IL2RA: variants seen among roughly 807,000 people sequenced by gnomAD.
The protein encoded by IL2RA is interleukin 2 receptor subunit alpha.
IL2RA carries 24 observed loss-of-function variants against 37.8 expected under a neutral mutation model. The ratio of observed to expected loss-of-function variants is 0.63; its 90% CI spans 0.46 to 0.89. The LOEUF (loss-of-function observed/expected upper bound fraction) is 0.89, where lower values mean the gene tolerates loss of function less well. IL2RA is among the 40% of genes least tolerant of loss of function. The pLI is 0.00. For missense variants in IL2RA, 319 were observed against 348.6 expected (o/e 0.92, Z 0.68); for synonymous variants, 125 against 114.6 (o/e 1.09, Z -0.58).
intron 1 of IL2RA, among the ~76,000 whole-genome samples, chr10:6,030,945 T>C (rs1264358286): frequency 2.0e-5 from 3 of 152,116 alleles, no homozygotes; most frequent in Non-Finnish European, 2.9e-5. Flanking sequence ...GGATTCATGC[T>C]GAATAGCCTA....
At chr10:6,017,237 G>C (rs1388075611) in intron 7 of IL2RA, 1 of 152,266 alleles carries the variant, frequency 6.6e-6, no homozygotes, top group Admixed American at 6.5e-5. Flanking sequence ...ACCACACATG[G>C]TTTACATTCC....
At chr10:6,034,023 T>C (rs970035667) in intron 1 of IL2RA, among the ~76,000 whole-genome samples, 6 of 152,230 alleles carry the variant, frequency 3.9e-5, no homozygotes, top group Admixed American at 3.9e-4. Flanking sequence ...GCCAAGAACA[T>C]TTCTAAACAC....
At chr10:6,038,560 G>C (rs1382113962) in intron 1 of IL2RA, among the ~76,000 whole-genome samples, 1 of 152,214 alleles carries the variant, frequency 6.6e-6, no homozygotes, top group Non-Finnish European at 1.5e-5. Flanking sequence ...CACAGCTCAA[G>C]GTGGTGGGAC....
rs916915197 is a variant in IL2RA at position 6,022,510 on chromosome 10, C to T, written c.368-817G>A. ...CCTCTAACCCCAGCCTGTGAAACTG[C>T]GCACGTGCTCTGAACTTCCAGACTC... On this transcript the variant is annotated intron_variant, in intron 3 of 7. Coordinates refer to ENST00000379959, the MANE Select transcript of IL2RA (RefSeq NM_000417.3). This position sits in a 1 kb window ranked among gnomAD's most constrained non-coding sequence, Gnocchi z 4.7. Among the ~76,000 whole-genome samples the T allele has an allele frequency of 5.3e-5, 8 of 152,290 alleles. No homozygotes were observed. The highest frequency in any genetic ancestry group is 1.9e-4 in the African/African-American group (8 of 41,558).
At chr10:6,017,497 A>G (rs1417523682) in intron 7 of IL2RA, among the ~76,000 whole-genome samples, 1 of 152,156 alleles carries the variant, frequency 6.6e-6, no homozygotes, top group African/African-American at 2.4e-5. Flanking sequence ...TTATAAAACA[A>G]GCATCAAGCC....
rs189491155 is a variant in IL2RA at position 6,053,211 on chromosome 10, G to A, written c.64+8877C>T. 3.0e-3 allele frequency among the ~76,000 whole-genome samples: 450 copies of A among 152,332 alleles called. 2 individuals carry two copies. The highest frequency in any genetic ancestry group is 6.8e-3 in the Middle Eastern group (2 of 292). ...AAAAGGCAGGTTCTGGAATGAGAGCGCCTGCTTCCTATCCTAGCCCCTTCC... is the reference window on the plus strand; with the variant it reads ...AAAAGGCAGGTTCTGGAATGAGAGCACCTGCTTCCTATCCTAGCCCCTTCC... On this transcript the variant is annotated intron_variant, in intron 1 of 7. Coordinates refer to ENST00000379959, the MANE Select transcript of IL2RA (RefSeq NM_000417.3).
At chr10:6,042,120 T>C (rs1164482852) in intron 1 of IL2RA, among the ~76,000 whole-genome samples, 1 of 101,104 alleles carries the variant, frequency 9.9e-6, no homozygotes, top group Non-Finnish European at 1.9e-5. Flanking sequence ...GTTAACACAT[T>C]TGCACCTGAT....
chr10:6,054,251 G>A lies in IL2RA; in HGVS notation c.64+7837C>T, dbSNP rs887121248. On this transcript the variant is annotated intron_variant, in intron 1 of 7. Transcript: ENST00000379959. This position sits in a 1 kb window ranked among gnomAD's most constrained non-coding sequence, Gnocchi z 4.5. ...GGGAGAATGGGCTGTCAGGACAAAA[G>A]CACTGGGACTCCAGCCCTGTGGTGT... Among the ~76,000 whole-genome samples, 2 of 152,242 alleles carry A rather than the reference G, an allele frequency of 1.3e-5. No homozygotes were observed. Among genetic ancestry groups the A allele is most frequent in the Admixed American group, 1.3e-4 (2 of 15,284 alleles).
At chr10:6,052,653 G>A (rs774385942) in intron 1 of IL2RA, among the ~76,000 whole-genome samples, 9 of 151,942 alleles carry the variant, frequency 5.9e-5, no homozygotes, top group Admixed American at 2.0e-4. Context: ...CCCCCCTCAC[G>A]CCTCAGAGGC....
chr10:6,034,374 G>A (rs1489661396), intron 1 of IL2RA, among the ~76,000 whole-genome samples: 1 of 152,152 alleles, frequency 6.6e-6, no homozygotes, highest in Non-Finnish European at 1.5e-5. Context: ...GCAGCAGGAG[G>A]TAGAAGAGTG....
chr10:6,027,573 C>G (rs1005673003), intron 1 of IL2RA, among the ~76,000 whole-genome samples: 1 of 152,174 alleles, frequency 6.6e-6, no homozygotes. Flanking sequence ...TATTATTTTA[C>G]TTCTCTAAGG....
At chr10:6,017,567 G>C (rs7918154) in intron 7 of IL2RA, among the ~76,000 whole-genome samples, 1,216 of 116,106 alleles carry the variant, frequency 0.01, 15 homozygotes, top group African/African-American at 0.037. Flanking sequence ...TTCCCTGGTC[G>C]TTTAATTTTT....
intron 7 of IL2RA, 62 bp downstream of exon 7, chr10:6,017,991 G>T: frequency 7.4e-7 from 1 of 1,352,980 alleles, no homozygotes; most frequent in Non-Finnish European, 1.0e-6. Context: ...GGGGGAGGCA[G>T]GGTGGGGCTG....
At chr10:6,016,577 CTT>C (rs749966800) in intron 7 of IL2RA, among the ~76,000 whole-genome samples, 2 of 145,702 alleles carry the variant, frequency 1.4e-5, no homozygotes, top group African/African-American at 2.5e-5. Context: ...TTACCTTTTT[CTT>C]TTTTTTTTTT....
rs916392556 is a variant in IL2RA at position 6,033,030 on chromosome 10, T to C, written c.65-7005A>G. On this transcript the variant is annotated intron_variant, in intron 1 of 7. Transcript: ENST00000379959. This position sits in a 1 kb window ranked among gnomAD's most constrained non-coding sequence, Gnocchi z 4.3. ...GGGGAGGAAGTAGAACTACCAGAAC[T>C]CTCTTATGTTACTGGTGGCAGTGTA... Among the ~76,000 whole-genome samples, 3 of 152,164 alleles carry C rather than the reference T, an allele frequency of 2.0e-5. No homozygotes were observed. The highest frequency in any genetic ancestry group is 2.9e-5 in the Non-Finnish European group (2 of 68,020).
rs1227909065 is a variant in IL2RA at position 6,015,957 on chromosome 10, A to C, written c.794+2096T>G. Among the ~76,000 whole-genome samples the C allele has an allele frequency of 6.6e-6, 1 of 152,140 alleles. No homozygotes were observed. The highest frequency in any genetic ancestry group is 1.5e-5 in the Non-Finnish European group (1 of 68,004). On this transcript the variant is annotated intron_variant, in intron 7 of 7. Coordinates refer to ENST00000379959, the MANE Select transcript of IL2RA (RefSeq NM_000417.3). The surrounding 1 kb of genome is among the most constrained non-coding windows in gnomAD (Gnocchi z 4.9). ...GGCTGGGGAGAATGGGGAACTTGGC[A>C]GTGTGGGGCTTCTCTTGGGAATGAT... is the stretch of plus-strand genomic sequence containing the variant.
intron 1 of IL2RA, among the ~76,000 whole-genome samples, chr10:6,049,933 T>C (rs1033683332): frequency 6.6e-6 from 1 of 151,912 alleles, no homozygotes; most frequent in Non-Finnish European, 1.5e-5. Context: ...TTCCTGGGAG[T>C]CCAGCTTTGA....
At chr10:6,037,013 A>T (rs1046989066) in intron 1 of IL2RA, among the ~76,000 whole-genome samples, 4 of 152,120 alleles carry the variant, frequency 2.6e-5, no homozygotes. Flanking sequence ...TTGGAGTATG[A>T]GAGTTTCCAG....
At chr10:6,043,046 A>G (rs939739985) in intron 1 of IL2RA, among the ~76,000 whole-genome samples, 1 of 152,234 alleles carries the variant, frequency 6.6e-6, no homozygotes, top group East Asian at 1.9e-4. Flanking sequence ...GCATATGTGC[A>G]CACATTCAAG....
Sources: allele counts gnomAD v4.1 joint callset (sites outside exome capture counted in the v4.1 genomes callset), GRCh38; gene constraint gnomAD v4.1.1; non-coding constraint Gnocchi (gnomAD v3.1); transcripts MANE v1.5; gene names NCBI Gene and HGNC (gene_info 2026-07-23, HGNC 2026-07-21).